The following INTS8 variants were observed in gnomAD, a reference collection of about 807,000 sequenced individuals.
INTS8 encodes integrator complex subunit 8.
INTS8 carries 47 observed loss-of-function variants against 138.9 expected under a neutral mutation model. That is an observed-to-expected ratio of 0.34 (90% confidence interval 0.27 to 0.43). The LOEUF is 0.43. Ranked by LOEUF, INTS8 falls within the 20% of genes least tolerant of loss-of-function variation. INTS8 has a pLI of 1.00. For missense variants in INTS8, 996 were observed against 1,173.0 expected, an observed-to-expected ratio of 0.85 and a Z score of 2.20; for synonymous variants, 392 against 400.9, an observed-to-expected ratio of 0.98 and a Z score of 0.27.
intron 21 of INTS8, 61 bp downstream of exon 21, chr8:94,872,063 A>G (rs1586528989): frequency 1.3e-6 from 1 of 776,928 alleles, no homozygotes; most frequent in East Asian, 2.5e-5. Flanking sequence ...AAGTGAAAGT[A>G]AATATATAAC....
intron 10 of INTS8, among the ~76,000 whole-genome samples, chr8:94,848,172 C>T (rs1416450207): frequency 1.3e-5 from 2 of 151,668 alleles, no homozygotes; most frequent in Admixed American, 6.6e-5. Flanking sequence ...ACCATGCCCA[C>T]GTAATTTTTT....
intron 7 of INTS8, among the ~76,000 whole-genome samples, chr8:94,837,412 G>A (rs1296762970): frequency 1.3e-5 from 2 of 152,012 alleles, no homozygotes; most frequent in Non-Finnish European, 2.9e-5. Context: ...TAGAGATATT[G>A]ATTAAATGCC....
chr8:94,852,007 A>G (rs1815564022), intron 13 of INTS8, among the ~76,000 whole-genome samples: 1 of 152,116 alleles, frequency 6.6e-6, no homozygotes, highest in Non-Finnish European at 1.5e-5. Context: ...CAGTGGTGCA[A>G]TCTTGGTTCA....
chr8:94,851,949 CATTT>C lies in INTS8; in HGVS notation c.1641+264_1641+267del, dbSNP rs1272814405. Among the ~76,000 whole-genome samples the C allele has an allele frequency of 4.6e-5, 7 of 152,168 alleles. No individual in the cohort carries two copies. In the East Asian group the frequency reaches 9.6e-4, roughly 21 times the overall value. ...CAAAATATACGCATTTTATTTCATT[CATTT>C]GTTTTTTGAGACAGAATCTCACTCT... On this transcript the variant is annotated intron_variant, in intron 13 of 26. Transcript: ENST00000523731.
chr8:94,863,704 T>A (rs567329889), intron 16 of INTS8, among the ~76,000 whole-genome samples: 3 of 152,360 alleles, frequency 2.0e-5, no homozygotes, highest in African/African-American at 7.2e-5. Flanking sequence ...GAAAATTTTT[T>A]AAATTAAATT....
At chr8:94,832,275 T>C in intron 6 of INTS8, 101 bp downstream of exon 6, 1 of 816,790 alleles carries the variant, frequency 1.2e-6, no homozygotes. Flanking sequence ...TGCCTTTGTC[T>C]CTTAAGATGC....
intron 7 of INTS8, among the ~76,000 whole-genome samples, 188 bp downstream of exon 7, chr8:94,836,819 T>C (rs778103259): frequency 6.6e-6 from 1 of 151,676 alleles, no homozygotes. Context: ...CTTTTATAAA[T>C]CTAGTAAATT....
At chr8:94,852,234 C>A (rs566534340) in intron 13 of INTS8, among the ~76,000 whole-genome samples, 2 of 152,120 alleles carry the variant, frequency 1.3e-5, no homozygotes, top group Non-Finnish European at 2.9e-5. Context: ...TGAGCCACCA[C>A]GTCTGGCTGC....
At position 94,859,618 on chromosome 8, in the gene INTS8, A is replaced by C; in HGVS notation, c.2062A>C (p.Asn688His). Reference sequence around the variant, plus strand: ...AGTTCCTGCATTTTTGCTTCAGAGTAATCCATATGTAAAGGTAGTTAATGT... The same window carrying C: ...AGTTCCTGCATTTTTGCTTCAGAGTCATCCATATGTAAAGGTAGTTAATGT... ...LQVPAFLLQSNPYVKLGQLLA... is the reference protein window; with the variant it reads ...LQVPAFLLQSHPYVKLGQLLA... Residue 688 changes from asparagine to histidine, a missense_variant, in exon 16 of 27, where the codon AAT becomes CAT. By Grantham distance (68) the Asn-to-His change is moderately conservative. Transcript: ENST00000523731. 6.2e-7 allele frequency: 1 copy of C among 1,609,184 alleles called. No individual in the cohort carries two copies. Among genetic ancestry groups the C allele is most frequent in the South Asian group, 1.1e-5 (1 of 90,940 alleles).
chr8:94,853,763 C>T (rs1815639154), intron 13 of INTS8, 42 bp from the exon 14 acceptor site: 4 of 1,121,854 alleles, frequency 3.6e-6, no homozygotes, highest in South Asian at 2.6e-5. Context: ...ATTTGGCTTC[C>T]TCTATGTGTG....
chr8:94,865,042 ATGTG>A (rs1816125798), intron 16 of INTS8, among the ~76,000 whole-genome samples: 1 of 151,080 alleles, frequency 6.6e-6, no homozygotes, highest in Non-Finnish European at 1.5e-5. Flanking sequence ...TAAAAGTTGT[ATGTG>A]TGTGTATTTG....
Position 94,881,721 on chromosome 8 carries a change from A to T in INTS8, c.*1487A>T. 6.2e-7 allele frequency: 1 copy of T among 1,613,708 alleles called. No individual in the cohort carries two copies. The highest frequency in any genetic ancestry group is 8.5e-7 in the Non-Finnish European group (1 of 1,179,826). Reference sequence around the variant, plus strand: ...GGTGACAACTGTCCCCCTTTTCTGAAGGTGTTTATGTAATTTACTTCCTCC... The same window carrying T: ...GGTGACAACTGTCCCCCTTTTCTGATGGTGTTTATGTAATTTACTTCCTCC... On this transcript the variant is annotated 3_prime_UTR_variant, in exon 27 of 27. Coordinates refer to ENST00000523731, the MANE Select transcript of INTS8 (RefSeq NM_017864.4).
intron 18 of INTS8, chr8:94,866,888 G>A (rs944206128): frequency 2.5e-5 from 10 of 396,802 alleles, no homozygotes; most frequent in Non-Finnish European, 4.5e-5. Context: ...GTGAGGAGTT[G>A]AGCGTGGAGA....
Position 94,867,140 on chromosome 8 carries a change from G to C in INTS8, c.2296G>C (p.Glu766Gln). ...ELLSFIKKLR[E>Q]PLVLTIILSL... ...GGATTCTGTGTTTTCTTTCTCATAG[G>C]AACCACTCGTTTTGACTATTATTTT... Residue 766 changes from glutamate (E) to glutamine (Q), a missense_variant and splice_region_variant, in exon 19 of 27, where the codon GAA (glutamate) becomes CAA (glutamine). Physicochemically the swap from Glu to Gln is conservative, Grantham distance 29 (BLOSUM62 2). Coordinates refer to ENST00000523731, the MANE Select transcript of INTS8 (RefSeq NM_017864.4). The C allele has an allele frequency of 6.2e-7, 1 of 1,605,290 alleles. No homozygotes were observed. The highest frequency in any genetic ancestry group is 8.5e-7 in the Non-Finnish European group (1 of 1,174,098).
rs1816753151 is a variant in INTS8 at position 94,880,226 on chromosome 8, T to C, written c.2980T>C (p.Tyr994His). The C allele has an allele frequency of 1.3e-6, 2 of 1,587,100 alleles. No individual in the cohort carries two copies. Among genetic ancestry groups the C allele is most frequent in the Non-Finnish European group, 1.7e-6 (2 of 1,162,806 alleles). ...KKFLQAMAKLYF is the reference protein window; with the variant it reads ...KKFLQAMAKLHF ...GTTTCTCCAAGCAATGGCAAAACTTTACTTTTAAGCAGTTAAATTTTTTTA... is the reference window on the plus strand; with the variant it reads ...GTTTCTCCAAGCAATGGCAAAACTTCACTTTTAAGCAGTTAAATTTTTTTA... The change falls in exon 27 of 27, where the codon TAC (tyrosine) becomes CAC (histidine). Residue 994 changes from tyrosine (Y) to histidine (H), a missense_variant. By Grantham distance (83) the Tyr-to-His change is moderately conservative (BLOSUM62 2). Transcript: ENST00000523731.
intron 11 of INTS8, 152 bp from the exon 12 acceptor site, chr8:94,849,764 A>G: frequency 1.6e-6 from 1 of 611,498 alleles, no homozygotes; most frequent in Non-Finnish European, 2.7e-6. Flanking sequence ...AATAAGGACC[A>G]AAGGGAAATT....
In INTS8 at chr8:94,832,166, C is replaced by A. The variant is rs778068612; in HGVS notation, c.745C>A (p.Gln249Lys). ...AGLKVKTEEM[Q>K]CQVCYDLGAA... Reference sequence around the variant, plus strand: ...ATTGAAAGTCAAAACCGAAGAAATGCAGTGCCAGGTATTCATTTGATACTT... The same window carrying A: ...ATTGAAAGTCAAAACCGAAGAAATGAAGTGCCAGGTATTCATTTGATACTT... The change falls in exon 6 of 27, where the codon CAG becomes AAG. Residue 249 changes from glutamine to lysine, a missense_variant. Physicochemically the swap from Gln to Lys is moderately conservative, Grantham distance 53. Transcript: ENST00000523731. 1 of 1,611,736 alleles carries A rather than the reference C, an allele frequency of 6.2e-7. No homozygotes were observed. Among genetic ancestry groups the A allele is most frequent in the South Asian group, 1.1e-5 (1 of 90,422 alleles).
intron 10 of INTS8, among the ~76,000 whole-genome samples, chr8:94,845,702 C>A (rs1412026982): frequency 8.5e-5 from 13 of 152,142 alleles, no homozygotes; most frequent in African/African-American, 4.8e-5. Context: ...ACCTCATGAT[C>A]TGCCCGCCTC....
At chr8:94,857,957 T>A (rs1188998113) in intron 15 of INTS8, among the ~76,000 whole-genome samples, 1 of 152,244 alleles carries the variant, frequency 6.6e-6, no homozygotes, top group Admixed American at 6.5e-5. Flanking sequence ...GAAGTTTTAT[T>A]TCCTTGTTAC....
Sources: gnomAD v4.1 joint callset for allele counts (sites outside exome capture counted in the v4.1 genomes callset) on GRCh38, gnomAD v4.1.1 for gene constraint, MANE v1.5 for transcripts, NCBI Gene and HGNC (gene_info 2026-07-23, HGNC 2026-07-21) for gene names.